The following GLB1 variants were observed in gnomAD, a reference collection of about 807,000 sequenced individuals.
GLB1 encodes the protein galactosidase beta 1.
Under a neutral mutation model 74.0 loss-of-function variants are expected in GLB1, and 56 were observed. That is an observed-to-expected ratio of 0.76 (90% CI 0.61 to 0.94). GLB1 has a LOEUF of 0.94. Among genes scored for constraint, GLB1 ranks in the 40% least tolerant of loss-of-function variants. GLB1 has a pLI of 0.00. For missense variants in GLB1, 787 were observed against 845.5 expected, an observed-to-expected ratio of 0.93 and a Z score of 0.86; for synonymous variants, 323 against 323.6, an observed-to-expected ratio of 1.00 and a Z score of 0.02.
intron 1 of GLB1, among the ~76,000 whole-genome samples, chr3:33,079,283 G>GC (rs1700239310): frequency 6.6e-6 from 1 of 152,080 alleles, no homozygotes; most frequent in Admixed American, 6.6e-5. Context: ...GCAGGTGTAG[G>GC]CATTTGTTAA....
intron 1 of GLB1, 43 bp downstream of exon 1, chr3:33,096,968 T>A (rs1701058395): frequency 6.2e-7 from 1 of 1,603,192 alleles, no homozygotes; most frequent in Admixed American, 1.7e-5. Flanking sequence ...CGCCAGCCTG[T>A]CCCCTAGCAA....
At chr3:33,073,886 T>C (rs536938920) in intron 1 of GLB1, among the ~76,000 whole-genome samples, 1 of 151,634 alleles carries the variant, frequency 6.6e-6, no homozygotes, top group East Asian at 1.9e-4. Flanking sequence ...TAAGCAGGCT[T>C]GGTGGCACAC....
downstream of GLB1, among the ~76,000 whole-genome samples, chr3:32,995,223 G>A (rs1696288172): frequency 6.6e-6 from 1 of 152,086 alleles, no homozygotes; most frequent in East Asian, 1.9e-4. Context: ...CACTGCTCGT[G>A]CCTTCTGGAG....
intron 10 of GLB1, 50 bp downstream of exon 10, chr3:33,046,070 A>G: frequency 6.3e-7 from 1 of 1,598,170 alleles, no homozygotes; most frequent in Non-Finnish European, 8.5e-7. Context: ...GTGAGTTCAA[A>G]AGAGGCTCTG....
intron 10 of GLB1, among the ~76,000 whole-genome samples, chr3:33,040,433 TG>T (rs1409717492): frequency 6.7e-6 from 1 of 150,374 alleles, no homozygotes; most frequent in Non-Finnish European, 1.5e-5. Flanking sequence ...AGTGAGACCC[TG>T]GCTCTACAAA....
intron 6 of GLB1, 81 bp from the exon 7 acceptor site, chr3:33,053,630 G>C (rs561895214): frequency 3.2e-6 from 5 of 1,577,728 alleles, no homozygotes; most frequent in Non-Finnish European, 4.3e-6. Flanking sequence ...CATGGGACTC[G>C]GGCCTGAAGC....
intron 10 of GLB1, among the ~76,000 whole-genome samples, chr3:33,033,477 T>C (rs1041781215): frequency 1.1e-4 from 17 of 152,018 alleles, no homozygotes; most frequent in African/African-American, 3.9e-4. Flanking sequence ...GAGGCAAACA[T>C]TGTTGCTAAA....
chr3:32,968,436 G>C, the GLB1 span, among the ~76,000 whole-genome samples: 2 of 152,068 alleles, frequency 1.3e-5, no homozygotes, highest in African/African-American at 4.8e-5. Flanking sequence ...AGGGTATAAA[G>C]TGTCAAGAAA....
At chr3:33,088,833 C>G (rs1559420065) in intron 1 of GLB1, among the ~76,000 whole-genome samples, 1 of 152,082 alleles carries the variant, frequency 6.6e-6, no homozygotes, top group Non-Finnish European at 1.5e-5. Flanking sequence ...AGACTAAAGT[C>G]TTGAAAAAGA....
chr3:32,973,297 T>C, the GLB1 span, among the ~76,000 whole-genome samples: 1 of 151,862 alleles, frequency 6.6e-6, no homozygotes, highest in Non-Finnish European at 1.5e-5. Flanking sequence ...GGGTGACCTG[T>C]GTGTGTGTGT....
intron 15 of GLB1, among the ~76,000 whole-genome samples, chr3:33,004,190 G>A (rs185956727): frequency 1.5e-3 from 232 of 152,252 alleles, no homozygotes; most frequent in African/African-American, 5.5e-3. Flanking sequence ...CTGCTCAGTC[G>A]TGTGAACCCT....
At chr3:33,064,277 A>G (rs1041442385) in intron 5 of GLB1, among the ~76,000 whole-genome samples, 18 of 150,250 alleles carry the variant, frequency 1.2e-4, no homozygotes, top group Non-Finnish European at 2.2e-4. Context: ...TGTCTCTACT[A>G]AAAATACAAA....
chr3:33,017,322 C>A (rs1050979579), intron 13 of GLB1, among the ~76,000 whole-genome samples: 1 of 152,106 alleles, frequency 6.6e-6, no homozygotes, highest in Non-Finnish European at 1.5e-5. Context: ...GAAAATCATA[C>A]AACAGAATGA....
chr3:33,000,830 T>G (rs1295083749), intron 15 of GLB1, among the ~76,000 whole-genome samples: 1 of 152,170 alleles, frequency 6.6e-6, no homozygotes, highest in African/African-American at 2.4e-5. Flanking sequence ...AGTGACTTCA[T>G]TATTAGACCA....
chr3:33,024,059 T>C (rs564264549), intron 11 of GLB1, among the ~76,000 whole-genome samples, 192 bp downstream of exon 11: 1 of 152,326 alleles, frequency 6.6e-6, no homozygotes, highest in Non-Finnish European at 1.5e-5. Context: ...TCAACAGGCA[T>C]GAGTATCTTC....
intron 4 of GLB1, 104 bp downstream of exon 4, chr3:33,068,126 A>G (rs562564616): frequency 1.3e-6 from 2 of 1,541,000 alleles, no homozygotes; most frequent in South Asian, 1.1e-5. Flanking sequence ...ACCTCAGGTA[A>G]TCCACCCGCC....
Position 33,013,700 on chromosome 3 carries a change from A to C in GLB1, c.1734+356T>G, listed in dbSNP as rs1256747276. 2.0e-5 allele frequency among the ~76,000 whole-genome samples: 3 copies of C among 152,074 alleles called. No homozygotes were observed. The East Asian group carries it at 5.8e-4, about 29-fold the overall frequency. ...GAGCACTGGGCTTGGCATAAATGAAAACCAGACAGACTCTCCCAGAGGGAT... is the reference window on the plus strand; with the variant it reads ...GAGCACTGGGCTTGGCATAAATGAACACCAGACAGACTCTCCCAGAGGGAT... On this transcript the variant is annotated intron_variant, in intron 15 of 15. Transcript: ENST00000307363.
intron 15 of GLB1, among the ~76,000 whole-genome samples, chr3:32,999,099 T>C (rs1696437859): frequency 6.6e-6 from 1 of 152,206 alleles, no homozygotes; most frequent in South Asian, 2.1e-4. Flanking sequence ...TTCCAATGCC[T>C]ACAAAAGAAG....
At chr3:32,980,478 T>G in the GLB1 span, among the ~76,000 whole-genome samples, 5 of 152,268 alleles carry the variant, frequency 3.3e-5, no homozygotes, top group Admixed American at 1.3e-4. Flanking sequence ...TGATATGTAA[T>G]GCTTTCTATA....
Sources: gnomAD v4.1 joint callset for allele counts (sites outside exome capture counted in the v4.1 genomes callset) on GRCh38, gnomAD v4.1.1 for gene constraint, MANE v1.5 for transcripts, NCBI Gene and HGNC (gene_info 2026-07-23, HGNC 2026-07-21) for gene names.